Variants in MEGF11 observed in about 807,000 individuals in gnomAD.
MEGF11 encodes the protein multiple EGF like domains 11, also known as multiple epidermal growth factor-like domains protein 11.
MEGF11 carries 126 observed loss-of-function variants against 146.6 expected under a neutral mutation model. That is an observed-to-expected ratio of 0.86 (90% confidence interval 0.74 to 1.00). MEGF11 has a LOEUF of 1.00. MEGF11 is among the 50% of genes least tolerant of loss of function. MEGF11 has a pLI of 0.00. For synonymous variants in MEGF11, 532 were observed against 583.4 expected (o/e 0.91, Z 1.27); for missense variants, 1,509 against 1,521.2 (o/e 0.99, Z 0.13).
intron 5 of MEGF11, among the ~76,000 whole-genome samples, chr15:66,012,619 G>C (rs928325278): frequency 6.6e-6 from 1 of 152,256 alleles, no homozygotes; most frequent in Non-Finnish European, 1.5e-5. Flanking sequence ...GATTGGGCCT[G>C]TAGAGTTATC....
chr15:65,986,379 C>T (rs1485486593), intron 5 of MEGF11, among the ~76,000 whole-genome samples: 1 of 152,078 alleles, frequency 6.6e-6, no homozygotes, highest in African/African-American at 2.4e-5. Flanking sequence ...GGGCAAATAG[C>T]CTCTCATATC....
At chr15:65,920,320 A>C (rs1237447812) in intron 15 of MEGF11, among the ~76,000 whole-genome samples, 1 of 152,208 alleles carries the variant, frequency 6.6e-6, no homozygotes, top group East Asian at 1.9e-4. Context: ...GGTGACATGC[A>C]TCTCACCTGT....
intron 9 of MEGF11, 69 bp downstream of exon 9, chr15:65,964,839 C>G (rs1567179314): frequency 1.4e-6 from 2 of 1,428,974 alleles, no homozygotes; most frequent in East Asian, 5.0e-5. Context: ...GGGCCACATC[C>G]TAGCAAGCCT....
At chr15:65,925,039 T>G (rs2079322409) in intron 13 of MEGF11, among the ~76,000 whole-genome samples, 1 of 152,268 alleles carries the variant, frequency 6.6e-6, no homozygotes, top group South Asian at 2.1e-4. Flanking sequence ...GGGCCTCCAA[T>G]TCCACTGCAC....
At chr15:66,024,435 C>G (rs2083261473) in intron 5 of MEGF11, among the ~76,000 whole-genome samples, 1 of 152,216 alleles carries the variant, frequency 6.6e-6, no homozygotes, top group Non-Finnish European at 1.5e-5. Flanking sequence ...ATGACTTTCC[C>G]AAAGTCACAC....
intron 5 of MEGF11, among the ~76,000 whole-genome samples, chr15:66,009,241 GTTTT>G (rs10540363): frequency 1.5e-4 from 21 of 143,064 alleles, no homozygotes; most frequent in Middle Eastern, 3.5e-3. Context: ...GTTAACCTAA[GTTTT>G]TTTTTTTTTT....
chr15:65,946,916 G>T (rs1463610517), intron 10 of MEGF11, among the ~76,000 whole-genome samples: 1 of 152,144 alleles, frequency 6.6e-6, no homozygotes, highest in Non-Finnish European at 1.5e-5. Flanking sequence ...TGTGCCTCAT[G>T]GCCAGGGAGC....
chr15:66,194,146 T>C (rs2090950367), intron 1 of MEGF11, among the ~76,000 whole-genome samples: 1 of 152,174 alleles, frequency 6.6e-6, no homozygotes, highest in Non-Finnish European at 1.5e-5. Context: ...GTGGTATACA[T>C]ACCATGGACT....
intron 1 of MEGF11, among the ~76,000 whole-genome samples, chr15:66,165,351 A>G (rs1284239215): frequency 6.6e-6 from 1 of 152,182 alleles, no homozygotes; most frequent in Non-Finnish European, 1.5e-5. Flanking sequence ...TGGAGAGAGT[A>G]CACATGAAGT....
At chr15:66,043,446 C>T (rs534880919) in intron 5 of MEGF11, among the ~76,000 whole-genome samples, 9 of 152,238 alleles carry the variant, frequency 5.9e-5, no homozygotes, top group Non-Finnish European at 1.3e-4. Context: ...GCAGAAGCCA[C>T]GATAATACCA....
At chr15:65,949,796 A>G (rs2080328162) in intron 10 of MEGF11, among the ~76,000 whole-genome samples, 1 of 152,200 alleles carries the variant, frequency 6.6e-6, no homozygotes, top group Admixed American at 6.5e-5. Context: ...GGTGGCAGTA[A>G]TTAGTCCTAC....
intron 1 of MEGF11, among the ~76,000 whole-genome samples, chr15:66,206,270 CG>C (rs2091297109): frequency 6.6e-6 from 1 of 151,946 alleles, no homozygotes; most frequent in South Asian, 2.1e-4. Context: ...AATGCAGCTT[CG>C]GGGGCTTATG....
chr15:66,207,486 AT>A (rs1434540119), intron 1 of MEGF11, among the ~76,000 whole-genome samples: 2 of 152,244 alleles, frequency 1.3e-5, no homozygotes, highest in African/African-American at 4.8e-5. Flanking sequence ...AAACTAAGAC[AT>A]TCTGGATAAA....
intron 4 of MEGF11, among the ~76,000 whole-genome samples, chr15:66,107,087 G>A (rs535918726): frequency 6.6e-6 from 1 of 151,964 alleles, no homozygotes; most frequent in Non-Finnish European, 1.5e-5. Context: ...GGAGGGGATG[G>A]TGGGATGTGT....
intron 22 of MEGF11, among the ~76,000 whole-genome samples, chr15:65,909,428 C>G (rs2078727830): frequency 6.6e-6 from 1 of 152,004 alleles, no homozygotes; most frequent in South Asian, 2.1e-4. Flanking sequence ...AAAGGAGCAC[C>G]TTGGTAGGGC....
chr15:66,189,496 G>C (rs1363364531), intron 1 of MEGF11, among the ~76,000 whole-genome samples: 2 of 152,182 alleles, frequency 1.3e-5, no homozygotes, highest in African/African-American at 4.8e-5. Context: ...TCACACAGGT[G>C]ATAAGCAGTA....
At chr15:66,229,412 A>G (rs1370679207) in intron 1 of MEGF11, among the ~76,000 whole-genome samples, 1 of 152,198 alleles carries the variant, frequency 6.6e-6, no homozygotes, top group Admixed American at 6.5e-5. Flanking sequence ...GACTGTTGCC[A>G]GGCAGAAATG....
rs201758507 is a variant in MEGF11 at position 65,906,121 on chromosome 15, G to C, written c.3019C>G (p.Arg1007Gly). 2 of 1,610,458 alleles carry C rather than the reference G, an allele frequency of 1.2e-6. No individual in the cohort carries two copies. Among genetic ancestry groups the C allele is most frequent in the African/African-American group, 1.3e-5 (1 of 74,826 alleles). Residue 1007 changes from arginine (R) to glycine (G), a missense_variant, in exon 24 of 26, where the codon CGT becomes GGT. Coordinates refer to ENST00000395614, the MANE Select transcript of MEGF11 (RefSeq NM_001385028.1). ...HSPGACGMDR[R>G]QNTYIMDKGF... ...TTGTCCATAATGTATGTGTTCTGAC[G>C]TCTATCCATTCCACAAGCACCTGTG...
At chr15:65,969,620 G>A (rs950559457) in intron 8 of MEGF11, among the ~76,000 whole-genome samples, 3 of 152,206 alleles carry the variant, frequency 2.0e-5, no homozygotes, top group Non-Finnish European at 4.4e-5. Context: ...GAGGAGCCCC[G>A]ATTATGTCTA....
Sources: gnomAD v4.1 joint callset for allele counts (sites outside exome capture counted in the v4.1 genomes callset) on GRCh38, gnomAD v4.1.1 for gene constraint, MANE v1.5 for transcripts, NCBI Gene and HGNC (gene_info 2026-07-23, HGNC 2026-07-21) for gene names.